The following HOMER2 variants were observed in gnomAD, a reference collection of about 807,000 sequenced individuals.
HOMER2 encodes homer protein homolog 2.
HOMER2 carries 27 observed loss-of-function variants against 47.0 expected under a neutral mutation model. The observed-to-expected ratio is 0.57, with a 90% CI of 0.42 to 0.79. HOMER2 has a LOEUF of 0.79. Ranked by LOEUF, HOMER2 falls within the 30% of genes least tolerant of loss-of-function variation. HOMER2 has a pLI of 0.00. For missense variants in HOMER2, 443 were observed against 435.0 expected, an observed-to-expected ratio of 1.02 and a Z score of -0.16; for synonymous variants, 161 against 163.8, an observed-to-expected ratio of 0.98 and a Z score of 0.13.
chr15:82,905,914 T>G (rs1409051503), intron 1 of HOMER2, among the ~76,000 whole-genome samples: 1 of 152,210 alleles, frequency 6.6e-6, no homozygotes, highest in Non-Finnish European at 1.5e-5. Context: ...ATAAAAACTT[T>G]TTTGTTATTC....
At chr15:82,904,263 C>A (rs1481084859) in intron 1 of HOMER2, among the ~76,000 whole-genome samples, 1 of 152,176 alleles carries the variant, frequency 6.6e-6, no homozygotes, top group Non-Finnish European at 1.5e-5. Flanking sequence ...TAACAACTTA[C>A]CAGAGCAGAA....
intron 3 of HOMER2, among the ~76,000 whole-genome samples, chr15:82,867,467 G>GC (rs2052012291): frequency 6.6e-6 from 1 of 151,704 alleles, no homozygotes; most frequent in South Asian, 2.1e-4. Context: ...CTTTAGTATG[G>GC]CAAGAGTTTG....
chr15:82,932,141 T>C (rs1374843066), intron 1 of HOMER2, among the ~76,000 whole-genome samples: 1 of 152,098 alleles, frequency 6.6e-6, no homozygotes, highest in Non-Finnish European at 1.5e-5. Context: ...AGCCCAATGC[T>C]AGAGACCATC....
chr15:82,855,993 C>T (rs899708812), intron 5 of HOMER2, among the ~76,000 whole-genome samples: 3 of 152,130 alleles, frequency 2.0e-5, no homozygotes, highest in Admixed American at 6.5e-5. Context: ...AGTCCTCTTT[C>T]TAAAGGCTCT....
At chr15:82,851,437 ACAC>A (rs763055462) in intron 7 of HOMER2, among the ~76,000 whole-genome samples, 6 of 152,238 alleles carry the variant, frequency 3.9e-5, no homozygotes, top group Non-Finnish European at 5.9e-5. Context: ...AAGTCTGTAC[ACAC>A]CACCACAAGG....
At chr15:82,853,461 G>A (rs1390192869) in intron 6 of HOMER2, among the ~76,000 whole-genome samples, 2 of 152,230 alleles carry the variant, frequency 1.3e-5, no homozygotes, top group Non-Finnish European at 2.9e-5. Flanking sequence ...ACTTTTATGT[G>A]GCATTAGCAT....
upstream of HOMER2, among the ~76,000 whole-genome samples, chr15:82,955,394 C>A (rs1323060250): frequency 6.6e-6 from 1 of 151,914 alleles, no homozygotes; most frequent in Non-Finnish European, 1.5e-5. Context: ...TGGTCTCGAT[C>A]TCCAGACCTT....
At chr15:82,903,088 A>G (rs997429493) in intron 1 of HOMER2, among the ~76,000 whole-genome samples, 2 of 152,198 alleles carry the variant, frequency 1.3e-5, no homozygotes, top group Non-Finnish European at 2.9e-5. Flanking sequence ...CAGAACTACA[A>G]TTTAGAGGGA....
At position 82,910,077 on chromosome 15, in the gene HOMER2, A is replaced by G. The variant is rs561692870; in HGVS notation, c.6-17236T>C. 7.0e-3 allele frequency among the ~76,000 whole-genome samples: 1,031 copies of G among 147,282 alleles called. 11 individuals carry two copies. Among genetic ancestry groups the G allele is most frequent in the African/African-American group, 0.025 (973 of 39,228 alleles). Reference sequence around the variant, plus strand: ...GAACCTGGGAGGTAGAAGTTGCAGTAAGCTGAGATCATGCTACTGCACTCC... The same window carrying G: ...GAACCTGGGAGGTAGAAGTTGCAGTGAGCTGAGATCATGCTACTGCACTCC... On this transcript the variant is annotated intron_variant, in intron 1 of 8. Coordinates refer to ENST00000450735, the MANE Select transcript of HOMER2 (RefSeq NM_004839.4).
intron 3 of HOMER2, among the ~76,000 whole-genome samples, chr15:82,874,760 G>A (rs1002579124): frequency 2.0e-5 from 3 of 151,660 alleles, no homozygotes; most frequent in Admixed American, 6.5e-5. Context: ...ATGGCTGTCA[G>A]AGACAAAGTG....
intron 3 of HOMER2, among the ~76,000 whole-genome samples, chr15:82,868,087 A>G (rs2151643302): frequency 6.6e-6 from 1 of 152,286 alleles, no homozygotes; most frequent in East Asian, 1.9e-4. Flanking sequence ...TACAATTTAG[A>G]AAAAAATATT....
chr15:82,859,186 T>C (rs988416740), intron 4 of HOMER2, 51 bp from the exon 5 acceptor site: 5 of 1,613,154 alleles, frequency 3.1e-6, no homozygotes, highest in Non-Finnish European at 3.4e-6. Context: ...AAGTGAATTA[T>C]CTTCACACGT....
chr15:82,850,860 C>CG (rs2051368358), intron 8 of HOMER2, among the ~76,000 whole-genome samples: 1 of 152,290 alleles, frequency 6.6e-6, no homozygotes, highest in East Asian at 1.9e-4. Context: ...GCCGCCCCCC[C>CG]GCTCCTCACC....
At chr15:82,952,507 A>C in intron 1 of HOMER2, 24 bp downstream of exon 1, 3 of 1,186,414 alleles carry the variant, frequency 2.5e-6, no homozygotes, top group Non-Finnish European at 3.1e-6. Context: ...GCGCGCGGAG[A>C]GCGCGCGGCG....
chr15:82,951,565 C>G (rs146188674), intron 1 of HOMER2, among the ~76,000 whole-genome samples: 1,656 of 152,334 alleles, frequency 0.011, 9 homozygotes, highest in Non-Finnish European at 0.017. Context: ...GCATTTGAGT[C>G]CTGCGAAGGG....
chr15:82,921,614 GAGTATCACCT>G (rs1399761170), intron 1 of HOMER2, among the ~76,000 whole-genome samples: 1 of 152,206 alleles, frequency 6.6e-6, no homozygotes, highest in African/African-American at 2.4e-5. Context: ...CCTGTGGCAG[GAGTATCACCT>G]AGTATCACCT....
At chr15:82,918,130 A>G (rs2053635861) in intron 1 of HOMER2, among the ~76,000 whole-genome samples, 1 of 152,076 alleles carries the variant, frequency 6.6e-6, no homozygotes, top group South Asian at 2.1e-4. Flanking sequence ...ACACTCATCA[A>G]AGTCCCAGTG....
chr15:82,956,900 CTG>C (rs146139994), upstream of HOMER2, among the ~76,000 whole-genome samples: 307 of 152,308 alleles, frequency 2.0e-3, 3 homozygotes, highest in Admixed American at 0.014. Flanking sequence ...CATTGACTAT[CTG>C]TGACCACGGG....
intron 1 of HOMER2, among the ~76,000 whole-genome samples, chr15:82,945,241 C>G (rs1567069783): frequency 1.3e-5 from 2 of 149,982 alleles, no homozygotes; most frequent in South Asian, 2.1e-4. Flanking sequence ...AAAAAAAGAG[C>G]CTGTCTTGTT....
Sources: gnomAD v4.1 joint callset for allele counts (sites outside exome capture counted in the v4.1 genomes callset) on GRCh38, gnomAD v4.1.1 for gene constraint, MANE v1.5 for transcripts, NCBI Gene and HGNC (gene_info 2026-07-23, HGNC 2026-07-21) for gene names.